Variants in ROCK1 observed in about 807,000 individuals in gnomAD.
ROCK1 encodes the protein Rho associated coiled-coil containing protein kinase 1.
ROCK1 carries 36 observed loss-of-function variants against 196.8 expected under a neutral mutation model. The ratio of observed to expected loss-of-function variants is 0.18; its 90% CI spans 0.14 to 0.24. The LOEUF is 0.24. Ranked by LOEUF, ROCK1 falls within the 10% of genes least tolerant of loss-of-function variation. The pLI is 1.00. For missense variants in ROCK1, 920 were observed against 1,562.0 expected (o/e 0.59, Z 6.93); for synonymous variants, 443 against 515.9 (o/e 0.86, Z 1.91).
chr18:21,091,832 T>C (rs1243911497), intron 1 of ROCK1, among the ~76,000 whole-genome samples: 1 of 151,794 alleles, frequency 6.6e-6, no homozygotes, highest in Non-Finnish European at 1.5e-5. Context: ...TAGCCCAGCG[T>C]GGTGTCGTAT....
At chr18:21,070,974 T>C (rs532909153) in intron 1 of ROCK1, among the ~76,000 whole-genome samples, 33 of 152,294 alleles carry the variant, frequency 2.2e-4, no homozygotes, top group East Asian at 1.7e-3. Flanking sequence ...CATTTGTTAC[T>C]ATAAATATTT....
At chr18:21,022,874 A>G (rs534868070) in intron 11 of ROCK1, among the ~76,000 whole-genome samples, 25 of 152,024 alleles carry the variant, frequency 1.6e-4, no homozygotes, top group South Asian at 8.3e-4. Context: ...GTGTGTGTGT[A>G]TATATATGTA....
At chr18:21,041,040 GA>G (rs2036101180) in intron 8 of ROCK1, among the ~76,000 whole-genome samples, 1 of 151,952 alleles carries the variant, frequency 6.6e-6, no homozygotes, top group Admixed American at 6.6e-5. Context: ...AGAATCACTT[GA>G]ATCCGGGAGG....
chr18:21,111,118 G>T lies in ROCK1; in HGVS notation c.-208C>A. On this transcript the variant is annotated 5_prime_UTR_variant, in exon 1 of 33. Transcript: ENST00000399799. This position sits in a 1 kb window ranked among gnomAD's most constrained non-coding sequence, Gnocchi z 4.2. Reference sequence around the variant, plus strand: ...CCGGGGGCAACAGCGACCCACAGCCGCTCGGACGCCCAAAGTCGCATCCCA... The same window carrying T: ...CCGGGGGCAACAGCGACCCACAGCCTCTCGGACGCCCAAAGTCGCATCCCA... 1.7e-6 allele frequency: 1 copy of T among 575,456 alleles called. No homozygotes were observed. Among genetic ancestry groups the T allele is most frequent in the South Asian group, 2.1e-5 (1 of 47,876 alleles). The allele number at this position is 575,456 out of a possible 1,614,324, so 35.6% of individuals were successfully genotyped here. A position where few individuals can be genotyped will look rare whatever the true frequency, so the allele number is the denominator to read the frequency against.
chr18:20,979,945 T>G lies in ROCK1; in HGVS notation c.2619A>C (p.Glu873Asp), dbSNP rs1468821376. ...GTAGTTCCTGTATTTTCTTTAAATT[T>G]TCTCTGTTTTTTTCTTCAATTTCTT... The part of the protein sequence containing the change: ...LKEEIEEKNR[E>D]NLKKIQELQN... Residue 873 changes from glutamate (E) to aspartate (D), a missense_variant, in exon 22 of 33, where the codon GAA becomes GAC. Glu to Asp is a conservative substitution (Grantham distance 45, BLOSUM62 2). This residue lies in a region of ROCK1 where 520 missense variants were observed against 657.1 expected (regional missense o/e 0.79). Transcript: ENST00000399799. 1 of 1,546,490 alleles carries G rather than the reference T, an allele frequency of 6.5e-7. No individual in the cohort carries two copies. The highest frequency in any genetic ancestry group is 2.0e-5 in the Admixed American group (1 of 49,554).
intron 2 of ROCK1, among the ~76,000 whole-genome samples, chr18:21,054,063 T>A (rs1321436610): frequency 6.6e-6 from 1 of 152,176 alleles, no homozygotes; most frequent in Non-Finnish European, 1.5e-5. Context: ...TTAGGTGTTG[T>A]AGAACAAAAG....
intron 25 of ROCK1, among the ~76,000 whole-genome samples, chr18:20,968,320 T>C (rs1162250438): frequency 6.6e-6 from 1 of 152,102 alleles, no homozygotes; most frequent in African/African-American, 2.4e-5. Flanking sequence ...TCTTTTTTTT[T>C]TTTTGAGACT....
intron 2 of ROCK1, among the ~76,000 whole-genome samples, chr18:21,060,839 C>CAAAAAAAAAAAAAAAAAAAAAACA (rs2036283196): frequency 2.2e-5 from 1 of 44,802 alleles, no homozygotes; most frequent in African/African-American, 7.2e-5. Context: ...AACTCCATCT[C>CAAAAAAAAAAAAAAAAAAAAAACA]AAAAAAAAAA....
chr18:21,034,214 A>G (rs1598537077), intron 9 of ROCK1, among the ~76,000 whole-genome samples: 1 of 152,274 alleles, frequency 6.6e-6, no homozygotes, highest in Admixed American at 6.5e-5. Flanking sequence ...TGTTAAGATG[A>G]TAATACTACC....
chr18:21,063,033 TG>T (rs1239599990), intron 2 of ROCK1, among the ~76,000 whole-genome samples: 1 of 152,120 alleles, frequency 6.6e-6, no homozygotes, highest in Non-Finnish European at 1.5e-5. Flanking sequence ...TACCACAGAA[TG>T]GGTAATTTAT....
chr18:21,001,936 A>G (rs1425823730), intron 16 of ROCK1, among the ~76,000 whole-genome samples: 2 of 152,200 alleles, frequency 1.3e-5, no homozygotes, highest in African/African-American at 2.4e-5. Flanking sequence ...TTTCACCCAA[A>G]AAGATGTTTC....
At chr18:21,101,086 A>T (rs1233997963) in intron 1 of ROCK1, among the ~76,000 whole-genome samples, 1 of 152,244 alleles carries the variant, frequency 6.6e-6, no homozygotes, top group Non-Finnish European at 1.5e-5. Flanking sequence ...AATTAAGGAA[A>T]AGATTGAAGT....
Position 20,973,600 on chromosome 18 carries a change from G to A in ROCK1, c.2655-3087C>T, listed in dbSNP as rs140760422. The stretch of plus-strand genomic sequence containing the variant: ...CCAAGTCATATTCTTAAGTAGGCAG[G>A]AAGAGATAGGATCGAGGGACTAGCA... On this transcript the variant is annotated intron_variant, in intron 22 of 32. Coordinates refer to ENST00000399799, the MANE Select transcript of ROCK1 (RefSeq NM_005406.3). 8.3e-3 allele frequency among the ~76,000 whole-genome samples: 1,261 copies of A among 152,168 alleles called. 9 individuals carry two copies. The highest frequency in any genetic ancestry group is 0.014 in the South Asian group (66 of 4,830).
chr18:21,097,864 TA>T (rs2036624857), intron 1 of ROCK1, among the ~76,000 whole-genome samples: 1 of 152,394 alleles, frequency 6.6e-6, no homozygotes, highest in Admixed American at 6.5e-5. Context: ...GTCACAGGGC[TA>T]ATAAGTGGTC....
intron 13 of ROCK1, among the ~76,000 whole-genome samples, chr18:21,009,166 CTTTTT>C (rs59587626): frequency 1.6e-5 from 2 of 122,026 alleles, no homozygotes; most frequent in African/African-American, 3.0e-5. Flanking sequence ...TTGAGACAGG[CTTTTT>C]TTTTTTTTTT....
intron 19 of ROCK1, among the ~76,000 whole-genome samples, chr18:20,986,303 G>C (rs1390513097): frequency 6.6e-6 from 1 of 152,042 alleles, no homozygotes; most frequent in Non-Finnish European, 1.5e-5. Flanking sequence ...TTCTTATCCA[G>C]CCGGTACTCA....
At chr18:20,982,331 A>G (rs1307229677) in intron 21 of ROCK1, among the ~76,000 whole-genome samples, 3 of 152,208 alleles carry the variant, frequency 2.0e-5, no homozygotes, top group Admixed American at 1.3e-4. Flanking sequence ...GGCTTATTAT[A>G]ATGTCCAACT....
intron 12 of ROCK1, among the ~76,000 whole-genome samples, chr18:21,019,186 C>A (rs1460753328): frequency 6.6e-6 from 1 of 152,132 alleles, no homozygotes; most frequent in East Asian, 1.9e-4. Flanking sequence ...CAGAGTCTTG[C>A]TCTGTCGCCC....
intron 18 of ROCK1, among the ~76,000 whole-genome samples, chr18:20,989,636 AC>A (rs2143403691): frequency 6.6e-6 from 1 of 152,250 alleles, no homozygotes; most frequent in Non-Finnish European, 1.5e-5. Flanking sequence ...AAGATGGGAG[AC>A]TTGTTCATGT....
Sources: gnomAD v4.1 joint callset for allele counts (sites outside exome capture counted in the v4.1 genomes callset) on GRCh38, gnomAD v4.1.1 for gene constraint, gnomAD v4.1.1 regional missense constraint, Gnocchi (gnomAD v3.1) non-coding constraint, MANE v1.5 for transcripts, NCBI Gene and HGNC (gene_info 2026-07-23, HGNC 2026-07-21) for gene names.